ZFYVE1: variants seen among roughly 807,000 people sequenced by gnomAD.
ZFYVE1 encodes the protein zinc finger FYVE domain-containing protein 1.
In ZFYVE1, 30 loss-of-function variants were observed where a neutral mutation model predicts 74.4. The observed-to-expected ratio is 0.40, with a 90% CI of 0.30 to 0.55. The LOEUF (loss-of-function observed/expected upper bound fraction) is 0.55. Among genes scored for constraint, ZFYVE1 ranks in the 20% least tolerant of loss-of-function variants. The probability of loss-of-function intolerance (pLI) is 0.42; values close to 1 mark genes in which losing one functional copy is unlikely to be tolerated. For missense variants in ZFYVE1, 703 were observed against 1,011.6 expected, an observed-to-expected ratio of 0.69 and a Z score of 4.14; for synonymous variants, 335 against 385.1, an observed-to-expected ratio of 0.87 and a Z score of 1.52.
chr14:73,005,656 C>T (rs532927054), intron 2 of ZFYVE1, among the ~76,000 whole-genome samples: 8 of 152,250 alleles, frequency 5.3e-5, no homozygotes, highest in South Asian at 2.1e-4. Flanking sequence ...CAGCTCCTAG[C>T]GACACTCAGC....
At chr14:72,981,312 T>C (rs138942685) in intron 5 of ZFYVE1, among the ~76,000 whole-genome samples, 1 of 152,306 alleles carries the variant, frequency 6.6e-6, no homozygotes, top group African/African-American at 2.4e-5. Context: ...CAGAAAATTC[T>C]AATGTGCTCT....
intron 2 of ZFYVE1, among the ~76,000 whole-genome samples, chr14:73,011,259 T>C (rs1416969758): frequency 6.7e-6 from 1 of 149,566 alleles, no homozygotes; most frequent in Non-Finnish European, 1.5e-5. Context: ...CCTAGGCGAG[T>C]AGATCACTCG....
intron 2 of ZFYVE1, among the ~76,000 whole-genome samples, chr14:73,015,688 A>G (rs558178947): frequency 6.6e-6 from 1 of 152,172 alleles, no homozygotes; most frequent in East Asian, 1.9e-4. Flanking sequence ...CCGGCCTGCT[A>G]TTTTCCATTC....
chr14:73,019,849 G>T (rs993033163), intron 2 of ZFYVE1, among the ~76,000 whole-genome samples: 4 of 152,048 alleles, frequency 2.6e-5, no homozygotes, highest in Non-Finnish European at 5.9e-5. Context: ...TACTCGGGAG[G>T]CTGACGCAGG....
chr14:73,018,812 C>T (rs1406725797), intron 2 of ZFYVE1, among the ~76,000 whole-genome samples: 2 of 151,936 alleles, frequency 1.3e-5, no homozygotes, highest in Non-Finnish European at 1.5e-5. Context: ...GGCGTGGTGG[C>T]GCGCACCTGT....
At chr14:72,985,172 T>C (rs61986502) in intron 4 of ZFYVE1, among the ~76,000 whole-genome samples, 19,694 of 152,252 alleles carry the variant, frequency 0.13, 1,571 homozygotes, top group East Asian at 0.2. Context: ...AGCTTTTTTA[T>C]TGAGACAGAG....
At chr14:73,008,321 A>G (rs1894022371) in intron 2 of ZFYVE1, among the ~76,000 whole-genome samples, 1 of 151,994 alleles carries the variant, frequency 6.6e-6, no homozygotes, top group Non-Finnish European at 1.5e-5. Context: ...CACCACACCC[A>G]GCTAATTTTG....
At position 72,988,444 on chromosome 14, in the gene ZFYVE1, G is replaced by C. The variant is rs939532634; in HGVS notation, c.1203+4699C>G. On this transcript the variant is annotated intron_variant, in intron 4 of 11. Transcript: ENST00000556143. ...CCTGCTTCAGCCTCCCAAAGTGCTG[G>C]GATTACAGGCGTGAGCCACTGCACC... 3.6e-4 allele frequency among the ~76,000 whole-genome samples: 55 copies of C among 151,876 alleles called. 1 individual carries two copies. The highest frequency in any genetic ancestry group is 1.3e-3 in the African/African-American group (54 of 41,350).
chr14:72,993,478 G>A (rs1003299058), intron 3 of ZFYVE1, 121 bp from the exon 4 acceptor site: 23 of 783,750 alleles, frequency 2.9e-5, no homozygotes, highest in East Asian at 5.5e-5. Flanking sequence ...CAAGGTGGGT[G>A]GATCACCCGA....
In ZFYVE1 at chr14:72,992,624, G is replaced by GC. The variant is rs1491038035; in HGVS notation, c.1203+518dup. On this transcript the variant is annotated intron_variant, in intron 4 of 11. Transcript: ENST00000556143. Reference sequence around the variant, plus strand: ...GAGGTCCCATTCAGGTGCCCCCCCCGCCCCTTGCAAGAGAGAGAGAGCTGT... The same window carrying GC: ...GAGGTCCCATTCAGGTGCCCCCCCCGCCCCCTTGCAAGAGAGAGAGAGCTGT... Among the ~76,000 whole-genome samples the GC allele has an allele frequency of 1.8e-3, 131 of 71,870 alleles. 14 individuals are homozygous for GC. The highest frequency in any genetic ancestry group is 1.9e-3 in the African/African-American group (32 of 16,990). 47.1% of individuals were successfully genotyped at this position (71,870 alleles called of 152,430 possible).
chr14:73,022,512 G>A (rs1267661340), intron 2 of ZFYVE1, among the ~76,000 whole-genome samples: 2 of 152,180 alleles, frequency 1.3e-5, no homozygotes, highest in Non-Finnish European at 2.9e-5. Context: ...CTATGTGCCA[G>A]ACTGTGATAA....
intron 8 of ZFYVE1, among the ~76,000 whole-genome samples, chr14:72,977,267 C>T (rs904168467): frequency 2.0e-5 from 3 of 151,776 alleles, no homozygotes; most frequent in Non-Finnish European, 4.4e-5. Context: ...ATTAGCCGGG[C>T]GTGGCGGTCG....
chr14:73,013,379 G>A (rs1457013859), intron 2 of ZFYVE1, among the ~76,000 whole-genome samples: 2 of 152,108 alleles, frequency 1.3e-5, no homozygotes, highest in African/African-American at 2.4e-5. Flanking sequence ...AGGCCAAGGT[G>A]CACAAATCAC....
rs1335542179 is a variant in ZFYVE1, at chr14:72,970,741, C to T, written c.*141G>A. 3.2e-6 allele frequency: 3 copies of T among 945,922 alleles called. No homozygotes were observed. In the African/African-American group the frequency reaches 5.0e-5, roughly 16 times the overall value. 58.6% of individuals were successfully genotyped at this position (945,922 alleles called of 1,614,324 possible). ...TCGGGCCTGCCGCCAGGCTCACCCC[C>T]ACTGAGGGAAAGTGGCCCTGGATGC... On this transcript the variant is annotated 3_prime_UTR_variant, in exon 12 of 12. Transcript: ENST00000556143.
At chr14:72,998,545 A>T (rs1429591453) in intron 2 of ZFYVE1, among the ~76,000 whole-genome samples, 1 of 152,048 alleles carries the variant, frequency 6.6e-6, no homozygotes, top group African/African-American at 2.4e-5. Flanking sequence ...CTATAAAAAG[A>T]AAAAGAAAAG....
chr14:72,970,939 G>A lies in ZFYVE1; in HGVS notation c.2277C>T (p.Gly759=), dbSNP rs1431208693. 1.2e-6 allele frequency: 2 copies of A among 1,614,276 alleles called. No homozygotes were observed. Among genetic ancestry groups the A allele is most frequent in the East Asian group, 2.2e-5 (1 of 44,886 alleles). ...AGCAGACTCGGACGGGATGGTCCCA[G>A]CCACGAGAAGGAACAGCCCGGCGGT... is the stretch of plus-strand genomic sequence containing the variant. ...SHDRRAVPSR[G]WDHPVRVCFN... The change falls in exon 12 of 12, where the codon GGC becomes GGT. Residue 759 remains glycine (G), a synonymous_variant. Transcript: ENST00000556143.
Position 73,018,753 on chromosome 14 carries a change from C to T in ZFYVE1, c.483+5273G>A, listed in dbSNP as rs75920740. Among the ~76,000 whole-genome samples the T allele has an allele frequency of 5.9e-3, 904 of 152,144 alleles. 14 individuals are homozygous for T. The highest frequency in any genetic ancestry group is 0.021 in the African/African-American group (865 of 41,500). On this transcript the variant is annotated intron_variant, in intron 2 of 11. Transcript: ENST00000556143. ...GGTCACGAGTTCAAGACCAGCGTGA[C>T]CAACATGGGGAAACCCCATCTCTAC...
chr14:72,986,674 G>A (rs139433432), intron 4 of ZFYVE1, among the ~76,000 whole-genome samples: 2,525 of 151,370 alleles, frequency 0.017, 52 homozygotes, highest in East Asian at 0.048. Context: ...GACTACAGGC[G>A]CGTGCCACCA....
intron 2 of ZFYVE1, among the ~76,000 whole-genome samples, chr14:73,023,127 C>A (rs1894351950): frequency 1.4e-5 from 2 of 144,632 alleles, no homozygotes; most frequent in South Asian, 2.1e-4. Flanking sequence ...CACCACTGCA[C>A]TCCAGCCTGG....
Sources: allele counts gnomAD v4.1 joint callset (sites outside exome capture counted in the v4.1 genomes callset), GRCh38; gene constraint gnomAD v4.1.1; transcripts MANE v1.5; gene names NCBI Gene and HGNC (gene_info 2026-07-23, HGNC 2026-07-21).